The following SYNE1 variants were observed in gnomAD, a reference collection of about 807,000 sequenced individuals.
SYNE1 encodes spectrin repeat containing nuclear envelope protein 1, also known as nesprin-1.
SYNE1 carries 616 observed loss-of-function variants against 1,111.0 expected under a neutral mutation model. The ratio of observed to expected loss-of-function variants is 0.55; its 90% confidence interval spans 0.52 to 0.59. SYNE1 has a LOEUF of 0.59. Among genes scored for constraint, SYNE1 ranks in the 20% least tolerant of loss-of-function variants. The pLI is 0.00. For missense variants in SYNE1, 10,006 were observed against 10,417.0 expected (o/e 0.96, Z 1.72); for synonymous variants, 3,855 against 3,825.8 (o/e 1.01, Z -0.28).
chr6:152,475,360 G>C (rs780508201), intron 14 of SYNE1, among the ~76,000 whole-genome samples: 2 of 152,110 alleles, frequency 1.3e-5, no homozygotes, highest in African/African-American at 4.8e-5. Flanking sequence ...TAGCTTCACC[G>C]ACATTAAATG....
At chr6:152,424,002 C>T (rs910314990) in intron 39 of SYNE1, among the ~76,000 whole-genome samples, 1 of 152,170 alleles carries the variant, frequency 6.6e-6, no homozygotes, top group Middle Eastern at 3.2e-3. Context: ...TGAACACTGC[C>T]TGAAATCGTC....
intron 3 of SYNE1, among the ~76,000 whole-genome samples, chr6:152,598,903 G>T (rs1464867214): frequency 2.0e-5 from 3 of 152,112 alleles, no homozygotes; most frequent in Admixed American, 2.0e-4. Flanking sequence ...ATGTTTTGCT[G>T]CTGTTCATCT....
At chr6:152,451,790 C>A (rs2098653396) in intron 25 of SYNE1, among the ~76,000 whole-genome samples, 1 of 151,942 alleles carries the variant, frequency 6.6e-6, no homozygotes, top group African/African-American at 2.4e-5. Context: ...CAGTGCTGCA[C>A]AGTATTAATG....
chr6:152,358,353 T>G lies in SYNE1; in HGVS notation c.10608+20A>C. The stretch of plus-strand genomic sequence containing the variant: ...ATTCAGAATGAAGATTCCTTTGTTT[T>G]AGGATAAAGGAGGCCTTACCTGAAG... On this transcript the variant is annotated intron_variant, in intron 66 of 145. Coordinates refer to ENST00000367255, the MANE Select transcript of SYNE1 (RefSeq NM_182961.4). 6.2e-7 allele frequency: 1 copy of G among 1,614,160 alleles called. No individual in the cohort carries two copies. Among genetic ancestry groups the G allele is most frequent in the Middle Eastern group, 1.6e-4 (1 of 6,062 alleles).
chr6:152,493,256 CAAA>C (rs1330258660), intron 11 of SYNE1, among the ~76,000 whole-genome samples: 1 of 152,020 alleles, frequency 6.6e-6, no homozygotes. Context: ...TTCACCTTAT[CAAA>C]AAAATTGTCT....
At chr6:152,400,281 A>G (rs2097792767) in intron 47 of SYNE1, among the ~76,000 whole-genome samples, 1 of 152,200 alleles carries the variant, frequency 6.6e-6, no homozygotes, top group Admixed American at 6.5e-5. Flanking sequence ...ATGCTAAAAG[A>G]GAACAAATTG....
chr6:152,471,078 T>C (rs4318888), intron 16 of SYNE1, among the ~76,000 whole-genome samples: 78,879 of 151,824 alleles, frequency 0.52, 22,250 homozygotes, highest in East Asian at 0.76. Context: ...GATTCATAGA[T>C]AAAATGTTAC....
At chr6:152,589,614 T>C (rs747558595) in intron 3 of SYNE1, among the ~76,000 whole-genome samples, 7 of 152,260 alleles carry the variant, frequency 4.6e-5, no homozygotes, top group Non-Finnish European at 7.4e-5. Context: ...ATATCACCAT[T>C]AATATTTGGA....
intron 44 of SYNE1, 28 bp from the exon 45 acceptor site, chr6:152,407,224 T>C: frequency 6.2e-7 from 1 of 1,611,006 alleles, no homozygotes; most frequent in South Asian, 1.1e-5. Flanking sequence ...GCCATGGCAT[T>C]CATAGTCAGA....
intron 3 of SYNE1, among the ~76,000 whole-genome samples, chr6:152,552,223 A>C (rs2099349560): frequency 6.6e-6 from 1 of 152,172 alleles, no homozygotes; most frequent in South Asian, 2.1e-4. Flanking sequence ...GTTCTCTCAA[A>C]CAAACATGAC....
In SYNE1 at chr6:152,383,601, C is replaced by T. The variant is rs565828861; in HGVS notation, c.8652+2073G>A. On this transcript the variant is annotated intron_variant, in intron 55 of 145. Transcript: ENST00000367255. ...CTTGTTTTTCCCCTCCTTTTTCTCT[C>T]TACCTTTCAAATCATTTTCTCCTAT... 2.0e-5 allele frequency among the ~76,000 whole-genome samples: 3 copies of T among 152,308 alleles called. No homozygotes were observed. The South Asian group carries it at 6.2e-4, about 32-fold the overall frequency.
chr6:152,337,393 G>A (rs1407733565), intron 75 of SYNE1, among the ~76,000 whole-genome samples: 1 of 152,014 alleles, frequency 6.6e-6, no homozygotes, highest in Non-Finnish European at 1.5e-5. Flanking sequence ...GGGTTCAAGT[G>A]ATTCTCCTGC....
chr6:152,588,539 T>C (rs2099547654), intron 3 of SYNE1, among the ~76,000 whole-genome samples: 1 of 152,156 alleles, frequency 6.6e-6, no homozygotes, highest in Non-Finnish European at 1.5e-5. Context: ...ACAAGCAATG[T>C]CAAGAATAGA....
At chr6:152,372,912 T>G (rs182189536) in intron 59 of SYNE1, 125 bp downstream of exon 59, 10 of 1,009,102 alleles carry the variant, frequency 9.9e-6, no homozygotes, top group Non-Finnish European at 1.6e-5. Flanking sequence ...TGTCTTCTTA[T>G]GTTCTGAGAG....
intron 96 of SYNE1, 105 bp from the exon 97 acceptor site, chr6:152,282,085 C>G: frequency 3.3e-6 from 4 of 1,214,772 alleles, no homozygotes; most frequent in Non-Finnish European, 4.7e-6. Context: ...ATAAGAATCA[C>G]TGGTAAAACT....
At chr6:152,227,392 A>C (rs2081835098) in intron 115 of SYNE1, among the ~76,000 whole-genome samples, 2 of 152,164 alleles carry the variant, frequency 1.3e-5, no homozygotes, top group African/African-American at 4.8e-5. Context: ...AATTATCATG[A>C]AGCTATTTTT....
At chr6:152,348,957 G>A (rs2096691925) in intron 72 of SYNE1, among the ~76,000 whole-genome samples, 1 of 152,162 alleles carries the variant, frequency 6.6e-6, no homozygotes, top group African/African-American at 2.4e-5. Context: ...ACTCCATCAT[G>A]AGGCCATTCA....
chr6:152,482,323 T>C (rs1255647069), intron 14 of SYNE1, among the ~76,000 whole-genome samples: 1 of 152,168 alleles, frequency 6.6e-6, no homozygotes, highest in Non-Finnish European at 1.5e-5. Flanking sequence ...TTCCTTGGGG[T>C]AATTTTTCAA....
intron 99 of SYNE1, among the ~76,000 whole-genome samples, chr6:152,268,432 G>A (rs1475272308): frequency 6.7e-6 from 1 of 149,826 alleles, no homozygotes; most frequent in Non-Finnish European, 1.5e-5. Flanking sequence ...AAATTTTGCC[G>A]GGCAATAGTG....
Sources: allele counts gnomAD v4.1 joint callset (sites outside exome capture counted in the v4.1 genomes callset), GRCh38; gene constraint gnomAD v4.1.1; transcripts MANE v1.5; gene names NCBI Gene and HGNC (gene_info 2026-07-23, HGNC 2026-07-21).